CFAP47: variants seen among roughly 807,000 people sequenced by gnomAD.
CFAP47 encodes cilia and flagella associated protein 47, also known as cilia- and flagella-associated protein 47.
CFAP47 carries 29 observed loss-of-function variants against 148.1 expected under a neutral mutation model. The observed-to-expected ratio is 0.20, with a 90% confidence interval of 0.15 to 0.27. CFAP47 has a LOEUF of 0.27. Ranked by LOEUF, CFAP47 falls within the 10% of genes least tolerant of loss-of-function variation. The probability of loss-of-function intolerance (pLI) is 1.00; values close to 1 mark genes in which losing one functional copy is unlikely to be tolerated. For missense variants in CFAP47, 1,872 were observed against 1,697.5 expected (o/e 1.10, Z -1.81); for synonymous variants, 664 against 577.3 (o/e 1.15, Z -2.15).
chrX:36,060,669 A>G lies in CFAP47; in HGVS notation c.4218-4974A>G, dbSNP rs936967855. Reference sequence around the variant, plus strand: ...TGGTACAAATCAATGGAAGACATTCATATGTGAAACATACTTCCTTGGACT... The same window carrying G: ...TGGTACAAATCAATGGAAGACATTCGTATGTGAAACATACTTCCTTGGACT... On this transcript the variant is annotated intron_variant, in intron 26 of 63. Transcript: ENST00000378653. Among the ~76,000 whole-genome samples, 7 of 112,108 alleles carry G rather than the reference A, an allele frequency of 6.2e-5. No homozygotes were observed. The East Asian group carries it at 1.1e-3, about 18-fold the overall frequency.
chrX:36,349,454 G>A (rs1941724912), intron 58 of CFAP47, among the ~76,000 whole-genome samples: 1 of 110,796 alleles, frequency 9.0e-6, no homozygotes, highest in Non-Finnish European at 1.9e-5. Context: ...GTAGAGGTGG[G>A]TTTTCACCAT....
intron 25 of CFAP47, among the ~76,000 whole-genome samples, chrX:36,040,708 T>G (rs1010079465): frequency 1.3e-4 from 15 of 111,506 alleles, no homozygotes; most frequent in Non-Finnish European, 2.8e-4. Context: ...AAGAAGAAAT[T>G]ATACTGAATT....
intron 59 of CFAP47, 120 bp from the exon 60 acceptor site, chrX:36,353,409 T>C: frequency 1.8e-6 from 1 of 570,748 alleles, no homozygotes; most frequent in Non-Finnish European, 2.8e-6. Flanking sequence ...CCAGATACAA[T>C]GACAAGTCAA....
Position 36,138,096 on chromosome X carries a change from A to G in CFAP47, c.5418+41A>G, listed in dbSNP as rs776921730. On this transcript the variant is annotated intron_variant, in intron 34 of 63. Coordinates refer to ENST00000378653, the MANE Select transcript of CFAP47 (RefSeq NM_001304548.2). ...ATGCATAATGATCTTCTATTATTTA[A>G]AAAAACTTAGTGATTAAAATTTGAA... 6.4e-6 allele frequency: 4 copies of G among 626,558 alleles called. No homozygotes were observed. The Admixed American group carries it at 1.2e-4, about 19-fold the overall frequency. 51.6% of individuals were successfully genotyped at this position (626,558 alleles called of 1,213,427 possible). A position where few individuals can be genotyped will look rare whatever the true frequency, so the allele number is the denominator to read the frequency against.
In CFAP47 at chrX:36,029,771, T is replaced by C. The variant is rs772404246; in HGVS notation, c.3557-1482T>C. On this transcript the variant is annotated intron_variant, in intron 22 of 63. Coordinates refer to ENST00000378653, the MANE Select transcript of CFAP47 (RefSeq NM_001304548.2). Reference sequence around the variant, plus strand: ...GCGTATATATATTTATTTATTATCTTAGGCAGTCTCTCTTATTGCCATTTT... The same window carrying C: ...GCGTATATATATTTATTTATTATCTCAGGCAGTCTCTCTTATTGCCATTTT... Among the ~76,000 whole-genome samples, 7 of 110,437 alleles carry C rather than the reference T, an allele frequency of 6.3e-5. No individual in the cohort carries two copies. In the East Asian group the frequency reaches 1.7e-3, roughly 27 times the overall value.
intron 8 of CFAP47, among the ~76,000 whole-genome samples, chrX:35,965,690 G>A (rs1044381729): frequency 2.7e-5 from 3 of 111,416 alleles, no homozygotes; most frequent in African/African-American, 9.8e-5. Flanking sequence ...CAGAACCCTG[G>A]AGAGAGAATT....
At chrX:35,927,275 T>C (rs1233294407) in intron 2 of CFAP47, among the ~76,000 whole-genome samples, 4 of 111,647 alleles carry the variant, frequency 3.6e-5, no homozygotes, top group Non-Finnish European at 7.5e-5. Context: ...CATTTTTGCA[T>C]AGGAATCAAA....
chrX:36,236,279 T>G (rs1296435660), intron 47 of CFAP47, among the ~76,000 whole-genome samples: 1 of 112,360 alleles, frequency 8.9e-6, no homozygotes, highest in Non-Finnish European at 1.9e-5. Context: ...AACAATATTT[T>G]TGTCTGTGAA....
chrX:35,935,573 T>C, intron 2 of CFAP47, among the ~76,000 whole-genome samples: 1 of 103,816 alleles, frequency 9.6e-6, no homozygotes, highest in Non-Finnish European at 1.9e-5. Flanking sequence ...GAAGTTGCTT[T>C]TTTTTTTTTT....
At chrX:36,213,010 G>A (rs1940120011) in intron 45 of CFAP47, among the ~76,000 whole-genome samples, 1 of 111,171 alleles carries the variant, frequency 9.0e-6, no homozygotes, top group Non-Finnish European at 1.9e-5. Flanking sequence ...CTACTCCGGA[G>A]GCTGAAACAC....
intron 36 of CFAP47, among the ~76,000 whole-genome samples, chrX:36,145,873 T>C (rs774492051): frequency 9.0e-4 from 92 of 102,274 alleles, no homozygotes; most frequent in Middle Eastern, 5.0e-3. Flanking sequence ...TAGTTAAAAA[T>C]TGAAGAAAAA....
intron 57 of CFAP47, among the ~76,000 whole-genome samples, chrX:36,324,819 T>TC (rs1941504816): frequency 9.0e-6 from 1 of 111,463 alleles, no homozygotes; most frequent in African/African-American, 3.3e-5. Context: ...TCTTATGAAA[T>TC]CCATTTTTTT....
Position 36,038,480 on chromosome X carries a change from T to G in CFAP47, c.3812-504T>G, listed in dbSNP as rs1213384797. Among the ~76,000 whole-genome samples, 4 of 112,084 alleles carry G rather than the reference T, an allele frequency of 3.6e-5. No individual in the cohort carries two copies. In the East Asian group the frequency reaches 1.1e-3, roughly 32 times the overall value. On this transcript the variant is annotated intron_variant, in intron 24 of 63. Coordinates refer to ENST00000378653, the MANE Select transcript of CFAP47 (RefSeq NM_001304548.2). ...TATGGCATGGGAATTTCCTGTCCTT[T>G]CCTACCAGGTAAAATTGGCCAGTCA...
chrX:35,956,153 A>C lies in CFAP47; in HGVS notation c.1367A>C (p.Glu456Ala). 8.3e-7 allele frequency: 1 copy of C among 1,211,329 alleles called. No homozygotes were observed. ...TYHFKKTANF[E>A]IDPEKGKITG... is the part of the protein sequence containing the mutation. Reference sequence around the variant, plus strand: ...CACTTTAAAAAAACTGCAAATTTTGAAATTGATCCTGAAAAGGGCAAGATT... The same window carrying C: ...CACTTTAAAAAAACTGCAAATTTTGCAATTGATCCTGAAAAGGGCAAGATT... Residue 456 changes from glutamate to alanine, a missense_variant, in exon 8 of 64, where the codon GAA (glutamate) becomes GCA (alanine). Coordinates refer to ENST00000378653, the MANE Select transcript of CFAP47 (RefSeq NM_001304548.2).
At chrX:35,997,240 A>G (rs1404534914) in intron 18 of CFAP47, 72 bp from the exon 19 acceptor site, 2 of 281,524 alleles carry the variant, frequency 7.1e-6, no homozygotes, top group African/African-American at 5.5e-5. Context: ...TATACATGCC[A>G]GGTAATACTT....
intron 57 of CFAP47, among the ~76,000 whole-genome samples, chrX:36,341,185 A>C (rs943480730): frequency 9.4e-6 from 1 of 106,009 alleles, no homozygotes; most frequent in Non-Finnish European, 1.9e-5. Context: ...ACAGGCGTGC[A>C]CCACCACACC....
intron 29 of CFAP47, among the ~76,000 whole-genome samples, chrX:36,078,907 A>G (rs1254959988): frequency 2.7e-5 from 3 of 110,632 alleles, no homozygotes; most frequent in African/African-American, 1.0e-4. Flanking sequence ...GCTTGTCTAT[A>G]AAGGATTTTA....
chrX:36,364,865 G>A (rs1467438513), intron 61 of CFAP47, among the ~76,000 whole-genome samples: 2 of 96,952 alleles, frequency 2.1e-5, no homozygotes, highest in African/African-American at 7.4e-5. Flanking sequence ...TAAGTGTTAA[G>A]TGATACCTGG....
At chrX:36,209,723 G>T (rs782040235) in intron 45 of CFAP47, among the ~76,000 whole-genome samples, 2 of 111,458 alleles carry the variant, frequency 1.8e-5, no homozygotes, top group African/African-American at 6.5e-5. Context: ...TATGTATTTT[G>T]ATTTTAAGGT....
Sources: allele counts gnomAD v4.1 joint callset (sites outside exome capture counted in the v4.1 genomes callset), GRCh38; gene constraint gnomAD v4.1.1; transcripts MANE v1.5; gene names NCBI Gene and HGNC (gene_info 2026-07-23, HGNC 2026-07-21).